The following NEGR1 variants were observed in gnomAD, a reference collection of about 807,000 sequenced individuals.
NEGR1 encodes the protein neuronal growth regulator 1.
NEGR1 carries 10 observed loss-of-function variants against 40.9 expected under a neutral mutation model. The ratio of observed to expected loss-of-function variants is 0.24; its 90% CI spans 0.15 to 0.42. The LOEUF (loss-of-function observed/expected upper bound fraction) is 0.42, where lower values mean the gene tolerates loss of function less well. Among genes scored for constraint, NEGR1 ranks in the 10% least tolerant of loss-of-function variants. The pLI, the probability that NEGR1 is intolerant of heterozygous loss-of-function variation, is 1.00. For synonymous variants in NEGR1, 185 were observed against 166.8 expected (o/e 1.11, Z -0.84); for missense variants, 352 against 438.9 (o/e 0.80, Z 1.77).
rs1036351567 is a variant in NEGR1, at chr1:72,149,739, G to A, written c.176+132580C>T. Among the ~76,000 whole-genome samples the A allele has an allele frequency of 5.3e-5, 8 of 151,580 alleles. No homozygotes were observed. The South Asian group carries it at 8.4e-4, about 16-fold the overall frequency. ...CACTACTAAAAATACAAAATTAGCCGGGCATAGTGGCACATGACTGTAACG... is the reference window on the plus strand; with the variant it reads ...CACTACTAAAAATACAAAATTAGCCAGGCATAGTGGCACATGACTGTAACG... On this transcript the variant is annotated intron_variant, in intron 1 of 6. Coordinates refer to ENST00000357731, the MANE Select transcript of NEGR1 (RefSeq NM_173808.3).
At chr1:72,075,808 C>A (rs959279349) in intron 1 of NEGR1, among the ~76,000 whole-genome samples, 9 of 152,158 alleles carry the variant, frequency 5.9e-5, no homozygotes, top group African/African-American at 2.2e-4. Context: ...TTTCCTTTAG[C>A]CCTGTGAACA....
Position 71,756,835 on chromosome 1 carries a change from C to A in NEGR1, c.535+19337G>T, listed in dbSNP as rs1261936424. Among the ~76,000 whole-genome samples the A allele has an allele frequency of 1.2e-4, 18 of 144,012 alleles. 1 individual carries two copies. Among genetic ancestry groups the A allele is most frequent in the African/African-American group, 4.4e-4 (17 of 38,568 alleles). The allele number at this position is 144,012 out of a possible 152,430, so 94.5% of individuals were successfully genotyped here. A position where few individuals can be genotyped will look rare whatever the true frequency, so the allele number is the denominator to read the frequency against. Reference sequence around the variant, plus strand: ...TACTGAATTACATTCAAATCAAATGCAAAATGAAAATAAAAAAAAAAAACC... The same window carrying A: ...TACTGAATTACATTCAAATCAAATGAAAAATGAAAATAAAAAAAAAAAACC... On this transcript the variant is annotated intron_variant, in intron 3 of 6. Transcript: ENST00000357731.
At chr1:71,701,981 C>T (rs780881016) in intron 3 of NEGR1, among the ~76,000 whole-genome samples, 9 of 151,702 alleles carry the variant, frequency 5.9e-5, no homozygotes, top group African/African-American at 9.7e-5. Context: ...GTTTATGGAG[C>T]AATAAGAGGG....
At chr1:72,146,374 G>A (rs898570813) in intron 1 of NEGR1, among the ~76,000 whole-genome samples, 4 of 152,092 alleles carry the variant, frequency 2.6e-5, no homozygotes, top group Non-Finnish European at 4.4e-5. Context: ...TTAATGCCAT[G>A]TCATACTTTT....
intron 1 of NEGR1, among the ~76,000 whole-genome samples, chr1:72,182,002 A>G (rs1652395260): frequency 6.6e-6 from 1 of 152,126 alleles, no homozygotes; most frequent in South Asian, 2.1e-4. Flanking sequence ...GAGGTAATAA[A>G]ATTTCACTGT....
intron 1 of NEGR1, among the ~76,000 whole-genome samples, chr1:72,253,501 G>A (rs2100533775): frequency 6.6e-6 from 1 of 152,222 alleles, no homozygotes; most frequent in South Asian, 2.1e-4. Flanking sequence ...CTATATCTTG[G>A]AACATAGCCA....
At chr1:72,038,547 A>G (rs1646924610) in intron 1 of NEGR1, among the ~76,000 whole-genome samples, 2 of 152,032 alleles carry the variant, frequency 1.3e-5, no homozygotes, top group Admixed American at 6.6e-5. Flanking sequence ...CTTCTGCATA[A>G]TAACTCCATT....
intron 2 of NEGR1, among the ~76,000 whole-genome samples, chr1:71,865,547 A>G (rs1389473687): frequency 6.6e-6 from 1 of 152,114 alleles, no homozygotes; most frequent in African/African-American, 2.4e-5. Context: ...TGGGAGCTGA[A>G]CAATAAGAAC....
intron 4 of NEGR1, among the ~76,000 whole-genome samples, chr1:71,650,493 A>G (rs1403509887): frequency 2.0e-5 from 3 of 152,224 alleles, no homozygotes; most frequent in Non-Finnish European, 4.4e-5. Context: ...ATATAAATGC[A>G]AAAATGACCA....
chr1:72,148,619 C>A (rs1651000470), intron 1 of NEGR1, among the ~76,000 whole-genome samples: 1 of 152,112 alleles, frequency 6.6e-6, no homozygotes, highest in Non-Finnish European at 1.5e-5. Flanking sequence ...CTTTTAACAG[C>A]ACCCAAGTCA....
intron 6 of NEGR1, among the ~76,000 whole-genome samples, chr1:71,485,429 C>T (rs1489329614): frequency 6.6e-6 from 1 of 151,570 alleles, no homozygotes; most frequent in African/African-American, 2.4e-5. Flanking sequence ...TGAATCTGCA[C>T]TGACACATTA....
At chr1:71,788,656 C>T (rs1039549083) in intron 2 of NEGR1, among the ~76,000 whole-genome samples, 5 of 151,644 alleles carry the variant, frequency 3.3e-5, no homozygotes, top group Non-Finnish European at 7.4e-5. Flanking sequence ...CAGTTAGATA[C>T]GTACTGTATT....
At chr1:71,540,097 T>C (rs896469627) in intron 6 of NEGR1, among the ~76,000 whole-genome samples, 1 of 151,320 alleles carries the variant, frequency 6.6e-6, no homozygotes, top group Non-Finnish European at 1.5e-5. Context: ...GAATATTTCA[T>C]ACAGCACTCT....
intron 1 of NEGR1, among the ~76,000 whole-genome samples, chr1:72,016,284 T>C (rs1490747803): frequency 6.6e-6 from 1 of 152,158 alleles, no homozygotes; most frequent in Non-Finnish European, 1.5e-5. Context: ...GAATTTCTAA[T>C]GTAATCATTA....
intron 6 of NEGR1, among the ~76,000 whole-genome samples, chr1:71,471,378 G>A (rs1646780817): frequency 6.6e-6 from 1 of 152,012 alleles, no homozygotes; most frequent in Non-Finnish European, 1.5e-5. Flanking sequence ...ATGCACCTTG[G>A]CTCACGCCTG....
At chr1:72,199,034 T>A (rs759850772) in intron 1 of NEGR1, among the ~76,000 whole-genome samples, 1 of 151,934 alleles carries the variant, frequency 6.6e-6, no homozygotes, top group Non-Finnish European at 1.5e-5. Flanking sequence ...TAACTAAGCC[T>A]CAGAATTTAT....
intron 6 of NEGR1, among the ~76,000 whole-genome samples, chr1:71,472,258 A>T (rs923176630): frequency 6.6e-6 from 1 of 152,258 alleles, no homozygotes; most frequent in African/African-American, 2.4e-5. Flanking sequence ...AAATAGAAAT[A>T]TGTCTACTAC....
At chr1:72,249,961 A>G (rs991737501) in intron 1 of NEGR1, among the ~76,000 whole-genome samples, 26 of 152,248 alleles carry the variant, frequency 1.7e-4, no homozygotes, top group African/African-American at 6.3e-4. Flanking sequence ...CCCTTTCACT[A>G]TATGGAATGG....
intron 6 of NEGR1, among the ~76,000 whole-genome samples, chr1:71,511,266 C>G (rs1317473449): frequency 6.6e-6 from 1 of 152,198 alleles, no homozygotes; most frequent in Non-Finnish European, 1.5e-5. Flanking sequence ...CTGAATTAAA[C>G]ATGTTATGAT....
Sources: allele counts gnomAD v4.1 joint callset (sites outside exome capture counted in the v4.1 genomes callset), GRCh38; gene constraint gnomAD v4.1.1; transcripts MANE v1.5; gene names NCBI Gene and HGNC (gene_info 2026-07-23, HGNC 2026-07-21).